The following PRKCH variants were observed in gnomAD, a reference collection of about 807,000 sequenced individuals.
PRKCH encodes the protein protein kinase C eta.
PRKCH carries 28 observed loss-of-function variants against 82.5 expected under a neutral mutation model. The ratio of observed to expected loss-of-function variants is 0.34; its 90% CI spans 0.25 to 0.47. The LOEUF is 0.47. PRKCH is among the 20% of genes least tolerant of loss of function. The probability of loss-of-function intolerance (pLI) is 1.00; values close to 1 mark genes in which losing one functional copy is unlikely to be tolerated. For missense variants in PRKCH, 705 were observed against 881.8 expected (o/e 0.80, Z 2.54); for synonymous variants, 322 against 327.4 (o/e 0.98, Z 0.18).
At chr14:61,204,763 G>GAAAA (rs67978354) in intron 1 of PRKCH, among the ~76,000 whole-genome samples, 1 of 106,206 alleles carries the variant, frequency 9.4e-6, no homozygotes, top group African/African-American at 3.4e-5. Context: ...CCTTTCTCAA[G>GAAAA]AAAAAAAAAA....
intron 11 of PRKCH, 90 bp from the exon 12 acceptor site, chr14:61,530,317 T>G: frequency 7.5e-7 from 1 of 1,333,818 alleles, no homozygotes; most frequent in South Asian, 1.9e-5. Flanking sequence ...AACTTTGATA[T>G]TTCCTAATGC....
intron 12 of PRKCH, among the ~76,000 whole-genome samples, chr14:61,540,599 C>G (rs1391752164): frequency 6.6e-6 from 1 of 152,238 alleles, no homozygotes; most frequent in Non-Finnish European, 1.5e-5. Context: ...ATTTGGAACA[C>G]TTAATGCCTA....
intron 1 of PRKCH, among the ~76,000 whole-genome samples, chr14:61,316,118 C>T (rs959771734): frequency 2.6e-5 from 4 of 152,102 alleles, no homozygotes; most frequent in African/African-American, 7.2e-5. Context: ...CATTAAGTTG[C>T]TATTCTATAA....
At chr14:61,205,914 C>G (rs768270988) in intron 1 of PRKCH, among the ~76,000 whole-genome samples, 49 of 152,096 alleles carry the variant, frequency 3.2e-4, no homozygotes, top group Admixed American at 7.2e-4. Context: ...CTTCTCTGTC[C>G]CATTTCTCCT....
intron 10 of PRKCH, among the ~76,000 whole-genome samples, chr14:61,511,663 G>C (rs1303812727): frequency 1.3e-5 from 2 of 152,242 alleles, no homozygotes; most frequent in African/African-American, 4.8e-5. Context: ...GCTTCTTGTG[G>C]AAGAGAAGGC....
At chr14:61,398,969 T>C (rs1175811246) in intron 2 of PRKCH, among the ~76,000 whole-genome samples, 1 of 152,238 alleles carries the variant, frequency 6.6e-6, no homozygotes, top group Admixed American at 6.5e-5. Flanking sequence ...TGCCTGGATC[T>C]GTGAGGATAT....
intron 10 of PRKCH, among the ~76,000 whole-genome samples, chr14:61,516,934 T>G (rs1251145574): frequency 1.3e-5 from 2 of 152,156 alleles, no homozygotes; most frequent in Non-Finnish European, 2.9e-5. Context: ...GGTATGTTTT[T>G]AATTCCAAGA....
At chr14:61,261,086 C>CAATACCACCACCACCAACAAAAAA (rs2045039690) in intron 1 of PRKCH, among the ~76,000 whole-genome samples, 1 of 152,148 alleles carries the variant, frequency 6.6e-6, no homozygotes, top group Admixed American at 6.5e-5. Flanking sequence ...GTTCCAAAAA[C>CAATACCACCACCACCAACAAAAAA]AATACCACCA....
At chr14:61,339,761 T>A (rs975116446) in intron 1 of PRKCH, among the ~76,000 whole-genome samples, 1 of 140,466 alleles carries the variant, frequency 7.1e-6, no homozygotes, top group Non-Finnish European at 1.5e-5. Flanking sequence ...AGCTCACTGC[T>A]ACCTTAACTC....
At chr14:61,349,119 G>C (rs769284241) in intron 1 of PRKCH, among the ~76,000 whole-genome samples, 10 of 152,206 alleles carry the variant, frequency 6.6e-5, no homozygotes, top group African/African-American at 9.6e-5. Context: ...TCCCTTTCCA[G>C]GGTTCATGTG....
In PRKCH at chr14:61,348,780, G is replaced by A. The variant is rs547429514; in HGVS notation, c.363+26316G>A. Among the ~76,000 whole-genome samples, 15 of 152,266 alleles carry A rather than the reference G, an allele frequency of 9.9e-5. No homozygotes were observed. The East Asian group carries it at 2.5e-3, about 25-fold the overall frequency. ...TCCACCCCCACTATTTTATGCCTTC[G>A]TAGCCACTGGCACTCTGCCTTGCGG... On this transcript the variant is annotated intron_variant, in intron 1 of 13. Coordinates refer to ENST00000332981, the MANE Select transcript of PRKCH (RefSeq NM_006255.5).
rs369402296 is a variant in PRKCH, at chr14:61,525,557, A to C, written c.1434-3518A>C. On this transcript the variant is annotated intron_variant, in intron 10 of 13. Coordinates refer to ENST00000332981, the MANE Select transcript of PRKCH (RefSeq NM_006255.5). The stretch of plus-strand genomic sequence containing the variant: ...AGCTGATTGTAATAGTTGACTGACA[A>C]AACTGATGGCCCAGCACTTTCTCTC... 1.2e-4 allele frequency: 19 copies of C among 152,332 alleles called. 2 individuals carry two copies. The highest frequency in any genetic ancestry group is 7.8e-4 in the Admixed American group (12 of 15,300). 9.4% of individuals were successfully genotyped at this position (152,332 alleles called of 1,614,324 possible).
chr14:61,213,872 T>C (rs571213014), intron 1 of PRKCH, among the ~76,000 whole-genome samples: 34 of 152,338 alleles, frequency 2.2e-4, no homozygotes, highest in African/African-American at 7.7e-4. Flanking sequence ...GAGCACCTAC[T>C]ATAAGCCAGC....
chr14:61,284,654 C>T (rs536195893), intron 1 of PRKCH, among the ~76,000 whole-genome samples: 1 of 152,260 alleles, frequency 6.6e-6, no homozygotes, highest in Non-Finnish European at 1.5e-5. Flanking sequence ...CATTTTATTA[C>T]ATATGTTGTG....
intron 10 of PRKCH, among the ~76,000 whole-genome samples, chr14:61,497,931 G>A (rs1886740687): frequency 6.6e-6 from 1 of 152,044 alleles, no homozygotes; most frequent in African/African-American, 2.4e-5. Context: ...GGTAATATAG[G>A]TGATTTTTAT....
chr14:61,276,500 C>T (rs112724187), intron 1 of PRKCH, among the ~76,000 whole-genome samples: 17,598 of 151,842 alleles, frequency 0.12, 1,482 homozygotes, highest in African/African-American at 0.24. Context: ...TCACTACAGG[C>T]GCCCACCACC....
chr14:61,498,116 C>A (rs956867054), intron 10 of PRKCH, among the ~76,000 whole-genome samples: 2 of 152,074 alleles, frequency 1.3e-5, no homozygotes, highest in African/African-American at 4.8e-5. Context: ...CGGGCTCAAG[C>A]GATTCTCCTG....
At chr14:61,206,330 G>C (rs1336932434) in intron 1 of PRKCH, among the ~76,000 whole-genome samples, 1 of 152,218 alleles carries the variant, frequency 6.6e-6, no homozygotes, top group Non-Finnish European at 1.5e-5. Flanking sequence ...GCTCCCAGCA[G>C]TTCTTGGCTT....
chr14:61,448,649 G>A (rs1884340615), intron 4 of PRKCH, among the ~76,000 whole-genome samples: 1 of 152,134 alleles, frequency 6.6e-6, no homozygotes, highest in Non-Finnish European at 1.5e-5. Flanking sequence ...TTAAGATTTG[G>A]TTAGTTGATA....
Sources: gnomAD v4.1 joint callset for allele counts (sites outside exome capture counted in the v4.1 genomes callset) on GRCh38, gnomAD v4.1.1 for gene constraint, MANE v1.5 for transcripts, NCBI Gene and HGNC (gene_info 2026-07-23, HGNC 2026-07-21) for gene names.